The following DNAH10 variants were observed in gnomAD, a reference collection of about 807,000 sequenced individuals.
DNAH10 encodes the protein dynein axonemal heavy chain 10.
In DNAH10, 348 loss-of-function variants were observed where a neutral mutation model predicts 506.6. That is an observed-to-expected ratio of 0.69 (90% confidence interval 0.63 to 0.75). The LOEUF (loss-of-function observed/expected upper bound fraction) is 0.75. Ranked by LOEUF, DNAH10 falls within the 30% of genes least tolerant of loss-of-function variation. The probability of loss-of-function intolerance (pLI) is 0.00; values close to 1 mark genes in which losing one functional copy is unlikely to be tolerated. For synonymous variants in DNAH10, 2,059 were observed against 2,198.6 expected (o/e 0.94, Z 1.78); for missense variants, 5,179 against 5,787.1 (o/e 0.89, Z 3.41).
intron 24 of DNAH10, among the ~76,000 whole-genome samples, chr12:123,821,561 G>A (rs1344445956): frequency 6.6e-6 from 1 of 152,088 alleles, no homozygotes; most frequent in Non-Finnish European, 1.5e-5. Flanking sequence ...TGGAACTCCT[G>A]ATCTCAAGCG....
intron 11 of DNAH10, among the ~76,000 whole-genome samples, chr12:123,791,045 T>C (rs573615309): frequency 3.3e-5 from 5 of 152,210 alleles, no homozygotes; most frequent in African/African-American, 1.2e-4. Flanking sequence ...GAGGATCCCT[T>C]CAACCTGGGA....
chr12:123,848,621 A>C (rs1951046500), intron 33 of DNAH10, 109 bp from the exon 34 acceptor site: 1 of 1,436,528 alleles, frequency 7.0e-7, no homozygotes, highest in Non-Finnish European at 9.4e-7. Context: ...CTTCTCTGCC[A>C]ATCAGTGATC....
In DNAH10 at chr12:123,887,309, C is replaced by G. The variant is rs1021380967; in HGVS notation, c.8991C>G (p.Thr2997=). Residue 2997 remains threonine, a synonymous_variant, in exon 52 of 79, where the codon ACC becomes ACG. Coordinates refer to ENST00000673944, the MANE Select transcript of DNAH10 (RefSeq NM_001372106.1). ...GFLELINNML[T]SGIVPALFSE... is the part of the protein sequence containing the mutation. Reference sequence around the variant, plus strand: ...TGGAGCTCATCAACAACATGCTGACCTCAGGTACAGCCAAGGCTGGCGCCC... The same window carrying G: ...TGGAGCTCATCAACAACATGCTGACGTCAGGTACAGCCAAGGCTGGCGCCC... The G allele has an allele frequency of 9.9e-6, 16 of 1,613,168 alleles. No homozygotes were observed. Among genetic ancestry groups the G allele is most frequent in the Non-Finnish European group, 1.2e-5 (14 of 1,179,630 alleles).
At chr12:123,873,401 C>G (rs757418523) in intron 45 of DNAH10, among the ~76,000 whole-genome samples, 157 bp from the exon 46 acceptor site, 8 of 152,224 alleles carry the variant, frequency 5.3e-5, no homozygotes, top group African/African-American at 1.7e-4. Context: ...TACTTTAGCA[C>G]TTAGAAAATA....
intron 56 of DNAH10, 48 bp downstream of exon 56, chr12:123,898,862 C>CA (rs1953383962): frequency 6.5e-7 from 1 of 1,542,220 alleles, no homozygotes; most frequent in South Asian, 1.3e-5. Flanking sequence ...ACCCAATACC[C>CA]ACCGTAGGTG....
intron 35 of DNAH10, among the ~76,000 whole-genome samples, chr12:123,852,776 G>GAAC (rs1951225818): frequency 6.6e-6 from 1 of 152,118 alleles, no homozygotes; most frequent in Non-Finnish European, 1.5e-5. Flanking sequence ...GTTTCACCAT[G>GAAC]TTGGCTAGGC....
chr12:123,794,581 C>CA (rs1345084867), intron 12 of DNAH10, among the ~76,000 whole-genome samples: 1 of 152,202 alleles, frequency 6.6e-6, no homozygotes, highest in African/African-American at 2.4e-5. Context: ...CACAGTGACT[C>CA]ATGCCTGTAA....
At chr12:123,886,151 A>C (rs984598554) in intron 51 of DNAH10, among the ~76,000 whole-genome samples, 14 of 152,168 alleles carry the variant, frequency 9.2e-5, no homozygotes, top group Non-Finnish European at 1.5e-5. Flanking sequence ...TCCCCACTGG[A>C]AAGTTTTATT....
At chr12:123,891,275 T>C (rs1049799082) in intron 52 of DNAH10, among the ~76,000 whole-genome samples, 2 of 152,190 alleles carry the variant, frequency 1.3e-5, no homozygotes, top group Admixed American at 1.3e-4. Context: ...CATATTGCAT[T>C]AGGGCCCATC....
intron 51 of DNAH10, among the ~76,000 whole-genome samples, chr12:123,886,267 G>A (rs1594288074): frequency 1.3e-5 from 2 of 152,290 alleles, no homozygotes; most frequent in Middle Eastern, 6.8e-3. Context: ...TCTGGAGGAG[G>A]TTGAGGACAC....
chr12:123,880,393 G>A (rs1252204166), intron 50 of DNAH10, among the ~76,000 whole-genome samples: 2 of 152,164 alleles, frequency 1.3e-5, no homozygotes, highest in Admixed American at 6.5e-5. Flanking sequence ...AGGCCACAGT[G>A]CAGTGGTACG....
intron 27 of DNAH10, 74 bp downstream of exon 27, chr12:123,833,421 G>A (rs924647231): frequency 2.1e-5 from 25 of 1,172,954 alleles, no homozygotes; most frequent in Middle Eastern, 1.9e-4. Context: ...GATATTTTGT[G>A]CTTAGAACTT....
chr12:123,793,922 T>C lies in DNAH10; in HGVS notation c.1816-20T>C, dbSNP rs534111859. 82 of 1,200,308 alleles carry C rather than the reference T, an allele frequency of 6.8e-5. No individual in the cohort carries two copies. Among genetic ancestry groups the C allele is most frequent in the Non-Finnish European group, 6.6e-5 (62 of 937,546 alleles). The allele number at this position is 1,200,308 out of a possible 1,614,324, so 74.4% of individuals were successfully genotyped here. A position where few individuals can be genotyped will look rare whatever the true frequency, so the allele number is the denominator to read the frequency against. ...GATAATTACAGGGGCATGAGGGTTG[T>C]TTTGTTGATTTTTTTGCAGGTTATT... is the stretch of plus-strand genomic sequence containing the variant. On this transcript the variant is annotated intron_variant, in intron 11 of 78. Transcript: ENST00000673944.
chr12:123,800,734 T>A (rs1958452426), intron 15 of DNAH10, among the ~76,000 whole-genome samples: 1 of 150,148 alleles, frequency 6.7e-6, no homozygotes, highest in Non-Finnish European at 1.5e-5. Context: ...GTTTAAAATA[T>A]GGGGTTGGGT....
intron 29 of DNAH10, 80 bp downstream of exon 29, chr12:123,838,769 A>G (rs1950661236): frequency 1.5e-6 from 2 of 1,317,940 alleles, no homozygotes. Context: ...CTTTGCCATG[A>G]GGTTCAACCC....
chr12:123,762,634 C>A lies in DNAH10; in HGVS notation c.214+84C>A, dbSNP rs1461231677. 5.7e-6 allele frequency: 8 copies of A among 1,393,268 alleles called. No homozygotes were observed. The Admixed American group carries it at 1.6e-4, about 28-fold the overall frequency. The allele number at this position is 1,393,268 out of a possible 1,614,324, so 86.3% of individuals were successfully genotyped here. On this transcript the variant is annotated intron_variant, in intron 1 of 78. Transcript: ENST00000673944. The surrounding 1 kb of genome is among the most constrained non-coding windows in gnomAD (Gnocchi z 5.0). The stretch of plus-strand genomic sequence containing the variant: ...CCGGCGGGCGCCGGGGCTGCTAGAG[C>A]CTGCCCATCGTCCGGCCCCGGCCTC...
intron 57 of DNAH10, among the ~76,000 whole-genome samples, chr12:123,906,278 G>C (rs918664279): frequency 6.6e-6 from 1 of 150,756 alleles, no homozygotes; most frequent in Non-Finnish European, 1.5e-5. Context: ...GTCTCATTCT[G>C]TCACCTAGGC....
At position 123,901,453 on chromosome 12, in the gene DNAH10, C is replaced by T. The variant is rs112586502; in HGVS notation, c.9641-1486C>T. ...GGGGACCCTTTACAGTGTCAAGGCC[C>T]GTGCACGGCTTTGCACGCTGCAAGT... On this transcript the variant is annotated intron_variant, in intron 56 of 78. Transcript: ENST00000673944. 5.6e-3 allele frequency among the ~76,000 whole-genome samples: 851 copies of T among 152,294 alleles called. 3 individuals are homozygous for T. Among genetic ancestry groups the T allele is most frequent in the African/African-American group, 7.9e-3 (328 of 41,562 alleles).
chr12:123,807,914 AG>A (rs1419058828), intron 18 of DNAH10, among the ~76,000 whole-genome samples: 3 of 1,138 alleles, frequency 2.6e-3, no homozygotes, highest in Non-Finnish European at 3.7e-3. Flanking sequence ...GGGGAGAGAG[AG>A]GAGAGAGAAG....
Sources: gnomAD v4.1 joint callset for allele counts (sites outside exome capture counted in the v4.1 genomes callset) on GRCh38, gnomAD v4.1.1 for gene constraint, Gnocchi (gnomAD v3.1) non-coding constraint, MANE v1.5 for transcripts, NCBI Gene and HGNC (gene_info 2026-07-23, HGNC 2026-07-21) for gene names.